The following RGS7 variants were observed in gnomAD, a reference collection of about 807,000 sequenced individuals.
The protein encoded by RGS7 is regulator of G-protein signaling 7.
A neutral mutation model predicts 81.1 loss-of-function variants in RGS7; 27 were observed. That is an observed-to-expected ratio of 0.33 (90% CI 0.25 to 0.46). The LOEUF (loss-of-function observed/expected upper bound fraction) is 0.46. Among genes scored for constraint, RGS7 ranks in the 20% least tolerant of loss-of-function variants. The pLI, the probability that RGS7 is intolerant of heterozygous loss-of-function variation, is 1.00. For missense variants in RGS7, 396 were observed against 607.4 expected, an observed-to-expected ratio of 0.65 and a Z score of 3.66; for synonymous variants, 208 against 207.7, an observed-to-expected ratio of 1.00 and a Z score of -0.01.
intron 3 of RGS7, among the ~76,000 whole-genome samples, chr1:241,016,600 A>G (rs1012427997): frequency 6.6e-6 from 1 of 152,124 alleles, no homozygotes; most frequent in Non-Finnish European, 1.5e-5. Context: ...CGTGAGAACA[A>G]AAGAAAACAA....
At chr1:241,266,905 A>C (rs537879649) in intron 2 of RGS7, among the ~76,000 whole-genome samples, 4 of 152,328 alleles carry the variant, frequency 2.6e-5, no homozygotes, top group African/African-American at 9.6e-5. Context: ...TTCTGGATCT[A>C]GGATTGTACT....
At chr1:240,941,841 A>T (rs1677633344) in intron 4 of RGS7, among the ~76,000 whole-genome samples, 1 of 151,062 alleles carries the variant, frequency 6.6e-6, no homozygotes. Flanking sequence ...TTTACTGAGT[A>T]ATCTGTCAAG....
intron 3 of RGS7, among the ~76,000 whole-genome samples, chr1:241,001,805 G>A (rs1404312972): frequency 6.6e-6 from 1 of 152,162 alleles, no homozygotes; most frequent in Non-Finnish European, 1.5e-5. Context: ...GAGCATAGAG[G>A]ATTGTTAGGG....
At chr1:241,077,793 C>T (rs4660029) in intron 3 of RGS7, among the ~76,000 whole-genome samples, 5,757 of 152,144 alleles carry the variant, frequency 0.038, 153 homozygotes, top group Non-Finnish European at 0.05. Context: ...AATTGAGTCT[C>T]CAAAAAAAGA....
rs150832003 is a variant in RGS7, at chr1:241,063,017, G to A, written c.175+35649C>T. Among the ~76,000 whole-genome samples the A allele has an allele frequency of 6.9e-3, 1,058 of 152,278 alleles. 9 individuals are homozygous for A. The highest frequency in any genetic ancestry group is 0.01 in the Middle Eastern group (3 of 294). ...CCTCCACTGAATTCACACACACACGGATATAAGTCTTGTGTAGTCTGAGGT... is the reference window on the plus strand; with the variant it reads ...CCTCCACTGAATTCACACACACACGAATATAAGTCTTGTGTAGTCTGAGGT... On this transcript the variant is annotated intron_variant, in intron 3 of 18. Transcript: ENST00000440928.
chr1:240,793,442 A>C (rs74151834), intron 18 of RGS7, among the ~76,000 whole-genome samples: 6,350 of 151,852 alleles, frequency 0.042, 142 homozygotes, highest in East Asian at 0.11. Context: ...ATGACAAATG[A>C]GATGGTTTCA....
intron 9 of RGS7, among the ~76,000 whole-genome samples, chr1:240,860,407 ATAT>A (rs1661987993): frequency 6.6e-6 from 1 of 152,146 alleles, no homozygotes; most frequent in Non-Finnish European, 1.5e-5. Context: ...TAGACATCAA[ATAT>A]TATTATGTCT....
intron 10 of RGS7, among the ~76,000 whole-genome samples, chr1:240,821,154 C>T (rs190666255): frequency 2.6e-5 from 4 of 152,272 alleles, no homozygotes; most frequent in African/African-American, 9.6e-5. Flanking sequence ...GACCATGAAT[C>T]AGAAAAGTCC....
At chr1:240,951,081 C>T (rs1679479037) in intron 4 of RGS7, among the ~76,000 whole-genome samples, 7 of 151,746 alleles carry the variant, frequency 4.6e-5, no homozygotes, top group African/African-American at 1.2e-4. Flanking sequence ...GCAACCACAC[C>T]GGGCTAATTT....
At chr1:241,162,154 T>C (rs61833766) in intron 2 of RGS7, among the ~76,000 whole-genome samples, 30,772 of 151,618 alleles carry the variant, frequency 0.2, 3,245 homozygotes, top group African/African-American at 0.27. Context: ...AAAATAATAA[T>C]TGATTGCAGC....
chr1:241,168,423 A>G (rs190262926), intron 2 of RGS7, among the ~76,000 whole-genome samples: 11 of 152,320 alleles, frequency 7.2e-5, no homozygotes, highest in Middle Eastern at 6.8e-3. Flanking sequence ...GAAATTGGAA[A>G]TATATGCATG....
At chr1:241,223,506 T>C (rs12039300) in intron 2 of RGS7, among the ~76,000 whole-genome samples, 38,486 of 151,992 alleles carry the variant, frequency 0.25, 5,963 homozygotes, top group East Asian at 0.59. Flanking sequence ...GCAAGTAGGT[T>C]GTTGGAAAGC....
intron 2 of RGS7, among the ~76,000 whole-genome samples, chr1:241,153,680 G>A (rs1397453551): frequency 6.6e-6 from 1 of 152,212 alleles, no homozygotes; most frequent in Non-Finnish European, 1.5e-5. Context: ...CCGCAGTGTA[G>A]ACTTTTTCAG....
chr1:241,043,672 T>C (rs903043140), intron 3 of RGS7, among the ~76,000 whole-genome samples: 2 of 147,908 alleles, frequency 1.4e-5, no homozygotes, highest in African/African-American at 5.0e-5. Flanking sequence ...TATTATGTTA[T>C]ATCTATATAT....
chr1:240,799,807 T>C (rs1485844407), intron 18 of RGS7, among the ~76,000 whole-genome samples: 1 of 152,128 alleles, frequency 6.6e-6, no homozygotes. Flanking sequence ...AGAATAGAGG[T>C]GGCAATTGTG....
intron 3 of RGS7, among the ~76,000 whole-genome samples, chr1:240,993,143 G>A (rs1686750178): frequency 6.9e-6 from 1 of 145,006 alleles, no homozygotes; most frequent in African/African-American, 2.6e-5. Context: ...AGGAGGAAAG[G>A]AAAGGAAAGG....
intron 2 of RGS7, among the ~76,000 whole-genome samples, chr1:241,184,563 T>C (rs2071928089): frequency 1.3e-5 from 2 of 152,202 alleles, no homozygotes; most frequent in Admixed American, 6.5e-5. Context: ...ATTTCCTGTT[T>C]CACACATAAG....
At chr1:240,851,781 A>C (rs1660146594) in intron 9 of RGS7, among the ~76,000 whole-genome samples, 1 of 152,230 alleles carries the variant, frequency 6.6e-6, no homozygotes, top group South Asian at 2.1e-4. Flanking sequence ...GTTTGGAAGA[A>C]GTAATCGCAG....
intron 2 of RGS7, among the ~76,000 whole-genome samples, chr1:241,129,353 G>A (rs1032215328): frequency 4.0e-5 from 6 of 151,816 alleles, no homozygotes; most frequent in African/African-American, 9.7e-5. Context: ...GTAAAGTCCC[G>A]AGGCAGGATG....
Sources: gnomAD v4.1 joint callset for allele counts (sites outside exome capture counted in the v4.1 genomes callset) on GRCh38, gnomAD v4.1.1 for gene constraint, MANE v1.5 for transcripts, NCBI Gene and HGNC (gene_info 2026-07-23, HGNC 2026-07-21) for gene names.